Variants in GABRB3 observed in about 807,000 individuals in gnomAD.
The protein encoded by GABRB3 is gamma-aminobutyric acid receptor subunit beta-3.
In GABRB3, 14 loss-of-function variants were observed where a neutral mutation model predicts 52.1. That is an observed-to-expected ratio of 0.27 (90% confidence interval 0.18 to 0.42). GABRB3 has a LOEUF of 0.42. Ranked by LOEUF, GABRB3 falls within the 10% of genes least tolerant of loss-of-function variation. GABRB3 has a pLI of 1.00. For missense variants in GABRB3, 307 were observed against 609.1 expected (o/e 0.50, Z 5.22); for synonymous variants, 260 against 232.3 (o/e 1.12, Z -1.08).
intron 3 of GABRB3, among the ~76,000 whole-genome samples, chr15:26,655,851 G>A (rs1887356833): frequency 6.6e-6 from 1 of 151,876 alleles, no homozygotes; most frequent in African/African-American, 2.4e-5. Flanking sequence ...CAGCTCATTA[G>A]ACAGACCAAA....
intron 6 of GABRB3, among the ~76,000 whole-genome samples, chr15:26,576,012 T>C (rs970956626): frequency 1.3e-5 from 2 of 152,242 alleles, no homozygotes; most frequent in Admixed American, 1.3e-4. Context: ...TGGCAAAAAC[T>C]GTATATCCCA....
At chr15:26,704,650 C>G (rs1754249101) in intron 3 of GABRB3, among the ~76,000 whole-genome samples, 1 of 152,180 alleles carries the variant, frequency 6.6e-6, no homozygotes, top group Non-Finnish European at 1.5e-5. Flanking sequence ...TCCTGAACAC[C>G]TTGCTGCTTT....
At chr15:26,757,304 C>T (rs1030046451) in intron 3 of GABRB3, among the ~76,000 whole-genome samples, 7 of 152,152 alleles carry the variant, frequency 4.6e-5, no homozygotes, top group South Asian at 4.1e-4. Flanking sequence ...CCTGCAACCA[C>T]GGCCCAACAG....
At chr15:26,739,188 A>G (rs1247557739) in intron 3 of GABRB3, among the ~76,000 whole-genome samples, 2 of 152,038 alleles carry the variant, frequency 1.3e-5, no homozygotes, top group East Asian at 3.9e-4. Flanking sequence ...CGCCCAGCCC[A>G]GCCCTGTCTG....
intron 3 of GABRB3, among the ~76,000 whole-genome samples, chr15:26,632,144 G>A (rs971488022): frequency 4.6e-5 from 7 of 152,224 alleles, no homozygotes; most frequent in African/African-American, 7.2e-5. Flanking sequence ...TGCCTGCCAC[G>A]CATTCTGAAG....
In GABRB3 at chr15:26,772,674, C is replaced by G. The variant is rs1207655554; in HGVS notation, c.172+7G>C. 2.6e-6 allele frequency: 4 copies of G among 1,566,732 alleles called. No homozygotes were observed. In the Middle Eastern group the frequency reaches 5.1e-4, roughly 199 times the overall value. On this transcript the variant is annotated splice_region_variant and intron_variant, in intron 2 of 8. Coordinates refer to ENST00000311550, the MANE Select transcript of GABRB3 (RefSeq NM_000814.6). ...CTTCCCGCAACGGCCGCGCGCAGCC[C>G]ACTTACCCCCGAAGTCGGGTCTTAG...
intron 3 of GABRB3, among the ~76,000 whole-genome samples, chr15:26,745,725 G>A (rs900292434): frequency 1.3e-5 from 2 of 152,120 alleles, no homozygotes; most frequent in African/African-American, 4.8e-5. Context: ...ATAAAATATA[G>A]TGTAACCTTT....
At chr15:26,683,074 C>T (rs938042650) in intron 3 of GABRB3, among the ~76,000 whole-genome samples, 2 of 149,988 alleles carry the variant, frequency 1.3e-5, no homozygotes, top group African/African-American at 4.8e-5. Context: ...AAACAGACTC[C>T]CCAGGCCAGC....
chr15:26,728,428 G>A (rs1026750065), intron 3 of GABRB3, among the ~76,000 whole-genome samples: 14 of 152,094 alleles, frequency 9.2e-5, no homozygotes, highest in South Asian at 6.2e-4. Context: ...AATAAACACC[G>A]CGTGCTGGAG....
chr15:26,588,191 A>G (rs1891067248), intron 4 of GABRB3, among the ~76,000 whole-genome samples: 1 of 152,170 alleles, frequency 6.6e-6, no homozygotes, highest in Non-Finnish European at 1.5e-5. Context: ...AGAAAAAACA[A>G]ACAAAAAAGT....
At chr15:26,737,486 T>C (rs1439022709) in intron 3 of GABRB3, among the ~76,000 whole-genome samples, 2 of 152,292 alleles carry the variant, frequency 1.3e-5, no homozygotes, top group East Asian at 3.9e-4. Context: ...TGAATGTCTT[T>C]AGGACAGGGG....
intron 3 of GABRB3, among the ~76,000 whole-genome samples, chr15:26,677,197 A>G (rs1280358315): frequency 6.6e-6 from 1 of 152,226 alleles, no homozygotes; most frequent in Admixed American, 6.5e-5. Flanking sequence ...CTGTGATTTC[A>G]GAGGTAGGAA....
At chr15:26,772,333 T>C in intron 3 of GABRB3, 69 bp downstream of exon 3, 1 of 1,386,542 alleles carries the variant, frequency 7.2e-7, no homozygotes, top group Non-Finnish European at 1.0e-6. Flanking sequence ...GGCCCAGCAC[T>C]GTGGACGCCT....
Position 26,645,767 on chromosome 15 carries a change from C to T in GABRB3, c.241-24233G>A, listed in dbSNP as rs1217876208. 5.3e-5 allele frequency among the ~76,000 whole-genome samples: 8 copies of T among 152,202 alleles called. No homozygotes were observed. In the South Asian group the frequency reaches 1.7e-3, roughly 32 times the overall value. Reference sequence around the variant, plus strand: ...AAACTAGGGTTTTTAATGACCACAGCAAGCAAGCATGCAGCTTACCACTTG... The same window carrying T: ...AAACTAGGGTTTTTAATGACCACAGTAAGCAAGCATGCAGCTTACCACTTG... On this transcript the variant is annotated intron_variant, in intron 3 of 8. Coordinates refer to ENST00000311550, the MANE Select transcript of GABRB3 (RefSeq NM_000814.6).
intron 3 of GABRB3, among the ~76,000 whole-genome samples, chr15:26,763,652 G>A (rs537227040): frequency 9.2e-6 from 1 of 108,842 alleles, no homozygotes; most frequent in African/African-American, 3.3e-5. Flanking sequence ...TGGAATAATG[G>A]ATGACCCAGA....
intron 3 of GABRB3, among the ~76,000 whole-genome samples, chr15:26,746,995 T>TAAAC (rs200868578): frequency 2.0e-4 from 29 of 142,414 alleles, no homozygotes; most frequent in African/African-American, 5.4e-4. Context: ...TCAAAATAAA[T>TAAAC]AAACAAACAA....
At chr15:26,650,788 C>T (rs1470795593) in intron 3 of GABRB3, among the ~76,000 whole-genome samples, 1 of 152,128 alleles carries the variant, frequency 6.6e-6, no homozygotes, top group Non-Finnish European at 1.5e-5. Context: ...CACTTCCCAT[C>T]CTGTGCCTAT....
chr15:26,545,197 T>C lies in GABRB3; in HGVS notation c.*2596A>G, dbSNP rs1442678663. 1 of 80,596 alleles carries C rather than the reference T, an allele frequency of 1.2e-5. No individual in the cohort carries two copies. Among genetic ancestry groups the C allele is most frequent in the East Asian group, 2.5e-4 (1 of 4,024 alleles). The allele number at this position is 80,596 out of a possible 1,614,324, so 5.0% of individuals were successfully genotyped here. ...TTTACAGAATATATGTATGTATTTG[T>C]GTGTGTGTGTGTGTGTGTGTGTGTA... is the stretch of plus-strand genomic sequence containing the variant. On this transcript the variant is annotated 3_prime_UTR_variant, in exon 9 of 9. Coordinates refer to ENST00000311550, the MANE Select transcript of GABRB3 (RefSeq NM_000814.6).
chr15:26,707,511 G>A (rs142636947), intron 3 of GABRB3, among the ~76,000 whole-genome samples: 57 of 152,318 alleles, frequency 3.7e-4, no homozygotes, highest in Middle Eastern at 3.4e-3. Context: ...AAAGGGTCAC[G>A]TGTGAGCCTG....
Sources: allele counts gnomAD v4.1 joint callset (sites outside exome capture counted in the v4.1 genomes callset), GRCh38; gene constraint gnomAD v4.1.1; transcripts MANE v1.5; gene names NCBI Gene and HGNC (gene_info 2026-07-23, HGNC 2026-07-21).